Variants in WDR26 observed in about 807,000 individuals in gnomAD.
The protein encoded by WDR26 is WD repeat domain 26, also known as WD repeat-containing protein 26.
In WDR26, 5 loss-of-function variants were observed where a neutral mutation model predicts 84.1. That is an observed-to-expected ratio of 0.06 (90% confidence interval 0.03 to 0.13). WDR26 has a LOEUF of 0.13. Ranked by LOEUF, WDR26 falls within the 10% of genes least tolerant of loss-of-function variation. WDR26 has a pLI of 1.00. For missense variants in WDR26, 642 were observed against 974.9 expected (o/e 0.66, Z 4.55); for synonymous variants, 415 against 389.6 (o/e 1.07, Z -0.77).
intron 6 of WDR26, among the ~76,000 whole-genome samples, 160 bp from the exon 7 acceptor site, chr1:224,411,725 G>C (rs1370649319): frequency 1.4e-5 from 2 of 147,688 alleles, no homozygotes; most frequent in Admixed American, 1.3e-4. Context: ...TTTTGAGACA[G>C]GGTCTCTCTG....
At chr1:224,429,826 T>C (rs748512871) in intron 3 of WDR26, 1 of 152,208 alleles carries the variant, frequency 6.6e-6, no homozygotes, top group Non-Finnish European at 1.5e-5. Flanking sequence ...AATGAGATAG[T>C]CATAATCGAA....
intron 4 of WDR26, among the ~76,000 whole-genome samples, chr1:224,422,816 A>G (rs1364306123): frequency 6.6e-6 from 1 of 152,204 alleles, no homozygotes; most frequent in Non-Finnish European, 1.5e-5. Flanking sequence ...CTAGGCTAGA[A>G]ACTGTGGAGA....
At chr1:224,421,914 C>T (rs1323722732) in intron 4 of WDR26, among the ~76,000 whole-genome samples, 6 of 152,162 alleles carry the variant, frequency 3.9e-5, no homozygotes, top group Non-Finnish European at 5.9e-5. Flanking sequence ...TTCTTTGAGG[C>T]TCAGTTTCCT....
At chr1:224,395,607 A>G (rs1403603298) in intron 12 of WDR26, among the ~76,000 whole-genome samples, 2 of 52,994 alleles carry the variant, frequency 3.8e-5, no homozygotes, top group African/African-American at 2.6e-4. Flanking sequence ...TGAAATTAGG[A>G]AAAAAAAAAA....
At position 224,434,193 on chromosome 1, in the gene WDR26, C is replaced by A; in HGVS notation, c.213G>T (p.Val71=). ...GGGCAGCAGCCGGGGGAAGTCCCAC[C>A]ACTACCACCACGGAGGAGGAGGAGG... The change falls in exon 1 of 14, where the codon GTG becomes GTT. Residue 71 remains valine, a synonymous_variant. Transcript: ENST00000414423. The A allele has an allele frequency of 7.1e-7, 1 of 1,415,832 alleles. No individual in the cohort carries two copies. Among genetic ancestry groups the A allele is most frequent in the South Asian group, 1.6e-5 (1 of 63,606 alleles). The allele number at this position is 1,415,832 out of a possible 1,614,324, so 87.7% of individuals were successfully genotyped here.
intron 9 of WDR26, among the ~76,000 whole-genome samples, chr1:224,400,704 C>T (rs1190417939): frequency 1.3e-5 from 2 of 152,102 alleles, no homozygotes; most frequent in Non-Finnish European, 2.9e-5. Flanking sequence ...CACCACCATG[C>T]CCAGCTAATT....
intron 4 of WDR26, among the ~76,000 whole-genome samples, chr1:224,422,317 T>C (rs1485799376): frequency 3.3e-5 from 5 of 152,242 alleles, no homozygotes; most frequent in African/African-American, 1.2e-4. Flanking sequence ...TGCACAGAGA[T>C]TTTGGGTTTT....
Position 224,433,781 on chromosome 1 carries a change from C to T in WDR26, c.625G>A (p.Glu209Lys). The change falls in exon 1 of 14, where the codon GAA becomes AAA. Residue 209 changes from glutamate (E) to lysine (K), a missense_variant. Transcript: ENST00000414423. ...TTCTTCTTGAGGCTGCTGCCCAGTT[C>T]TGGGGTGGCCAAGGAAGAGGAGGCG... 6.5e-7 allele frequency: 1 copy of T among 1,536,898 alleles called. No individual in the cohort carries two copies. The highest frequency in any genetic ancestry group is 8.7e-7 in the Non-Finnish European group (1 of 1,146,782).
intron 7 of WDR26, among the ~76,000 whole-genome samples, chr1:224,405,309 TTATC>T (rs1217920180): frequency 6.6e-6 from 1 of 152,244 alleles, no homozygotes; most frequent in East Asian, 1.9e-4. Context: ...ATTATTTTGT[TTATC>T]CATTCATGAG....
rs970895331 is a variant in WDR26 at position 224,393,895 on chromosome 1, G to A, written c.2193C>T (p.Ser731=). The change falls in exon 13 of 14, where the codon AGC becomes AGT. Residue 731 remains serine (S), a synonymous_variant. Coordinates refer to ENST00000414423, the MANE Select transcript of WDR26 (RefSeq NM_001379403.1). ...TTCTAACAGTGCCATCATCTGAGGC[G>A]CTGGCCATCATGGATGGAATCTGTG... is the stretch of plus-strand genomic sequence containing the variant. 8 of 1,592,724 alleles carry A rather than the reference G, an allele frequency of 5.0e-6. No homozygotes were observed. Among genetic ancestry groups the A allele is most frequent in the East Asian group, 2.2e-5 (1 of 44,594 alleles).
chr1:224,401,077 G>C lies in WDR26; in HGVS notation c.1600-8C>G, dbSNP rs372578573. On this transcript the variant is annotated splice_polypyrimidine_tract_variant and splice_region_variant and intron_variant, in intron 8 of 13. Transcript: ENST00000414423. ...TGTCCTTAGTTCTCCTGTCTATAAG[G>C]AAATAAAACTGTAAATGAGACCTTC... 1 of 1,609,968 alleles carries C rather than the reference G, an allele frequency of 6.2e-7. No homozygotes were observed. The highest frequency in any genetic ancestry group is 8.5e-7 in the Non-Finnish European group (1 of 1,178,470).
chr1:224,395,970 A>G (rs981498228), intron 12 of WDR26, among the ~76,000 whole-genome samples: 5 of 152,190 alleles, frequency 3.3e-5, no homozygotes, highest in African/African-American at 9.6e-5. Flanking sequence ...TAATTGCTCT[A>G]TTTTATACTG....
chr1:224,388,168 ACC>A lies in WDR26; in HGVS notation c.*1665_*1666del, dbSNP rs200936577. 1 of 151,956 alleles carries A rather than the reference ACC, an allele frequency of 6.6e-6. No individual in the cohort carries two copies. The highest frequency in any genetic ancestry group is 1.5e-5 in the Non-Finnish European group (1 of 67,958). 9.4% of individuals were successfully genotyped at this position (151,956 alleles called of 1,614,324 possible). On this transcript the variant is annotated 3_prime_UTR_variant, in exon 14 of 14. Coordinates refer to ENST00000414423, the MANE Select transcript of WDR26 (RefSeq NM_001379403.1). ...CCCTTTCTCCCATCCCCGACCACCT[ACC>A]CCACAATGGAAGAATTTTTGACATC... is the stretch of plus-strand genomic sequence containing the variant.
intron 3 of WDR26, among the ~76,000 whole-genome samples, chr1:224,425,230 G>A (rs1348163922): frequency 6.6e-6 from 1 of 151,684 alleles, no homozygotes; most frequent in African/African-American, 2.4e-5. Context: ...TGTACTACAA[G>A]TTGGTGTGCA....
In WDR26 at chr1:224,399,008, G is replaced by C; in HGVS notation, c.1746C>G (p.Ser582=). The C allele has an allele frequency of 6.4e-7, 1 of 1,570,152 alleles. No individual in the cohort carries two copies. Among genetic ancestry groups the C allele is most frequent in the South Asian group, 1.2e-5 (1 of 84,168 alleles). Residue 582 remains serine (S), a synonymous_variant, in exon 10 of 14, where the codon TCC becomes TCG. Transcript: ENST00000414423. ...GGCATTGCACTCTTACCCCTTCCCA[G>C]GAGTCAAGGAGATTACCATCTAAGT...
At chr1:224,399,120 T>A in intron 9 of WDR26, 86 bp from the exon 10 acceptor site, 2 of 1,274,576 alleles carry the variant, frequency 1.6e-6, no homozygotes, top group Non-Finnish European at 2.1e-6. Context: ...CTTCACAATA[T>A]CTTTTAGTAA....
In WDR26 at chr1:224,411,505, G is replaced by A. The variant is rs1223732397; in HGVS notation, c.1380C>T (p.Phe460=). 1.9e-6 allele frequency: 3 copies of A among 1,613,342 alleles called. No individual in the cohort carries two copies. The highest frequency in any genetic ancestry group is 2.5e-6 in the Non-Finnish European group (3 of 1,179,704). Reference sequence around the variant, plus strand: ...TAGTGCCATCATTAGAGAATTTACAGAACCACACTTCATTACAATGCTCCG... The same window carrying A: ...TAGTGCCATCATTAGAGAATTTACAAAACCACACTTCATTACAATGCTCCG... Residue 460 remains phenylalanine (F), a synonymous_variant, in exon 7 of 14, where the codon TTC becomes TTT. Transcript: ENST00000414423.
At chr1:224,423,460 T>C (rs1475697509) in intron 4 of WDR26, among the ~76,000 whole-genome samples, 4 of 152,212 alleles carry the variant, frequency 2.6e-5, no homozygotes, top group Admixed American at 1.3e-4. Context: ...GAATTTTGTT[T>C]TGAGGCTGGG....
At chr1:224,393,531 C>T (rs1375631610) in intron 13 of WDR26, among the ~76,000 whole-genome samples, 1 of 151,952 alleles carries the variant, frequency 6.6e-6, no homozygotes, top group Non-Finnish European at 1.5e-5. Context: ...GGTAGCATGA[C>T]GAAGCAAGAT....
Sources: gnomAD v4.1 joint callset for allele counts (sites outside exome capture counted in the v4.1 genomes callset) on GRCh38, gnomAD v4.1.1 for gene constraint, MANE v1.5 for transcripts, NCBI Gene and HGNC (gene_info 2026-07-23, HGNC 2026-07-21) for gene names.